Variants in AGAP1 observed in about 807,000 individuals in gnomAD.
The protein encoded by AGAP1 is ArfGAP with GTPase domain, ankyrin repeat and PH domain 1.
Under a neutral mutation model 105.3 loss-of-function variants are expected in AGAP1, and 29 were observed. The observed-to-expected ratio is 0.28, with a 90% confidence interval of 0.21 to 0.38. The LOEUF is 0.38. Ranked by LOEUF, AGAP1 falls within the 10% of genes least tolerant of loss-of-function variation. The probability of loss-of-function intolerance (pLI) is 1.00; values close to 1 mark genes in which losing one functional copy is unlikely to be tolerated. For missense variants in AGAP1, 998 were observed against 1,165.1 expected (o/e 0.86, Z 2.09); for synonymous variants, 509 against 485.9 (o/e 1.05, Z -0.63).
chr2:235,662,582 C>T lies in AGAP1; in HGVS notation c.164-46597C>T, dbSNP rs1206908032. ...ATTGCAGTGGTGGCATCTCAGCTCACTGCAACCTCTGCCTCCTGGGTTCAA... is the reference window on the plus strand; with the variant it reads ...ATTGCAGTGGTGGCATCTCAGCTCATTGCAACCTCTGCCTCCTGGGTTCAA... On this transcript the variant is annotated intron_variant, in intron 1 of 17. Transcript: ENST00000304032. The surrounding 1 kb of genome is among the most constrained non-coding windows in gnomAD (Gnocchi z 4.2). Among the ~76,000 whole-genome samples, 2 of 149,034 alleles carry T rather than the reference C, an allele frequency of 1.3e-5. No individual in the cohort carries two copies. Among genetic ancestry groups the T allele is most frequent in the African/African-American group, 5.0e-5 (2 of 40,284 alleles).
intron 11 of AGAP1, among the ~76,000 whole-genome samples, chr2:235,920,350 G>C (rs934425471): frequency 2.6e-5 from 4 of 152,196 alleles, no homozygotes; most frequent in Non-Finnish European, 5.9e-5. Context: ...CCAGGGATGG[G>C]AGGGAAGGGA....
chr2:236,037,362 G>A (rs1383498270), intron 14 of AGAP1: 2 of 151,950 alleles, frequency 1.3e-5, no homozygotes, highest in Admixed American at 6.6e-5. Context: ...TTTGTTTTTT[G>A]TAGTTACTTA....
rs745837999 is a variant in AGAP1, at chr2:235,958,787, C to G, written c.1484-9675C>G. Among the ~76,000 whole-genome samples, 10 of 152,176 alleles carry G rather than the reference C, an allele frequency of 6.6e-5. No homozygotes were observed. Among genetic ancestry groups the G allele is most frequent in the Non-Finnish European group, 1.5e-4 (10 of 68,034 alleles). ...TGGCCCATCAGTCTCAAGCAGGCTG[C>G]TTGATATTTATGCGGACGGAATGTT... On this transcript the variant is annotated intron_variant, in intron 12 of 17. Coordinates refer to ENST00000304032, the MANE Select transcript of AGAP1 (RefSeq NM_001037131.3). This position sits in a 1 kb window ranked among gnomAD's most constrained non-coding sequence, Gnocchi z 4.1.
intron 1 of AGAP1, among the ~76,000 whole-genome samples, chr2:235,679,105 C>T (rs150727320): frequency 6.6e-6 from 1 of 152,260 alleles, no homozygotes; most frequent in East Asian, 1.9e-4. Context: ...TTTAAATTGC[C>T]ACATGGAGAA....
At position 236,027,774 on chromosome 2, in the gene AGAP1, C is replaced by T. The variant is rs1421512204; in HGVS notation, c.1646-8787C>T. Among the ~76,000 whole-genome samples the T allele has an allele frequency of 1.3e-5, 2 of 152,078 alleles. No individual in the cohort carries two copies. The highest frequency in any genetic ancestry group is 2.4e-5 in the African/African-American group (1 of 41,400). On this transcript the variant is annotated intron_variant, in intron 13 of 17. Transcript: ENST00000304032. This position sits in a 1 kb window ranked among gnomAD's most constrained non-coding sequence, Gnocchi z 4.4. ...GAAACCCCAAAGAGCTGTTCATCGG[C>T]GTCTCACTACATGGTGAACTGCTAC... is the stretch of plus-strand genomic sequence containing the variant.
intron 11 of AGAP1, among the ~76,000 whole-genome samples, chr2:235,921,909 G>A (rs1465254873): frequency 6.6e-6 from 1 of 152,180 alleles, no homozygotes; most frequent in African/African-American, 2.4e-5. Context: ...GGAGCGAATG[G>A]GCCCCATTCA....
At chr2:235,782,929 T>C (rs557962259) in intron 6 of AGAP1, among the ~76,000 whole-genome samples, 2 of 152,300 alleles carry the variant, frequency 1.3e-5, no homozygotes, top group South Asian at 4.1e-4. Context: ...AGGTGTTGTA[T>C]GGGAGGCAGC....
chr2:235,571,863 G>A (rs1195279489), intron 1 of AGAP1, among the ~76,000 whole-genome samples: 3 of 151,350 alleles, frequency 2.0e-5, no homozygotes, highest in Non-Finnish European at 4.4e-5. Flanking sequence ...CTCCCAAAGT[G>A]CTGGGACTAC....
rs1459635823 is a variant in AGAP1, at chr2:235,611,016, C to T, written c.164-98163C>T. On this transcript the variant is annotated intron_variant, in intron 1 of 17. Coordinates refer to ENST00000304032, the MANE Select transcript of AGAP1 (RefSeq NM_001037131.3). The surrounding 1 kb of genome is among the most constrained non-coding windows in gnomAD (Gnocchi z 5.0). ...CCGTCTTCCTCATTGAAACTGTGCC[C>T]ATGACCTCCGGAAGCCTGCCAGCCG... 2.0e-5 allele frequency among the ~76,000 whole-genome samples: 3 copies of T among 152,156 alleles called. No individual in the cohort carries two copies. The highest frequency in any genetic ancestry group is 2.9e-5 in the Non-Finnish European group (2 of 68,030).
rs962170382 is a variant in AGAP1, at chr2:236,003,164, C to A, written c.1646-33397C>A. Among the ~76,000 whole-genome samples the A allele has an allele frequency of 1.3e-5, 2 of 152,176 alleles. No homozygotes were observed. The highest frequency in any genetic ancestry group is 4.8e-5 in the African/African-American group (2 of 41,442). On this transcript the variant is annotated intron_variant, in intron 13 of 17. Transcript: ENST00000304032. The surrounding 1 kb of genome is among the most constrained non-coding windows in gnomAD (Gnocchi z 4.2). ...GGTTCAAGCAGTTCTTGTGCCTCAA[C>A]CCCCCAAGTAGCTGGGACTACAGGC...
rs34419216 is a variant in AGAP1, at chr2:236,098,620, C to CTTTTTTTTTTTTTTTTTTTTTTTTT, written c.2115-21553_2115-21552insTTTTTTTTTTTTTTTTTTTTTTTTT. 5.6e-3 allele frequency among the ~76,000 whole-genome samples: 647 copies of CTTTTTTTTTTTTTTTTTTTTTTTTT among 115,152 alleles called. 37 individuals are homozygous for CTTTTTTTTTTTTTTTTTTTTTTTTT. The highest frequency in any genetic ancestry group is 9.0e-3 in the African/African-American group (233 of 25,762). The allele number at this position is 115,152 out of a possible 152,430, so 75.5% of individuals were successfully genotyped here. ...GCTGACTTGATGAAATCTTTTTTTC[C>CTTTTTTTTTTTTTTTTTTTTTTTTT]TTTTTTTTTTTTTTTTTTTAGAGAA... On this transcript the variant is annotated intron_variant, in intron 16 of 17. Transcript: ENST00000304032.
intron 12 of AGAP1, among the ~76,000 whole-genome samples, chr2:235,942,116 A>G (rs185992385): frequency 6.7e-4 from 102 of 152,278 alleles, no homozygotes; most frequent in African/African-American, 2.3e-3. Context: ...TTCCTAGGGA[A>G]GAGAGGAATG....
Position 235,497,875 on chromosome 2 carries a change from T to C in AGAP1, c.163+3026T>C, listed in dbSNP as rs537996117. Among the ~76,000 whole-genome samples, 6 of 152,250 alleles carry C rather than the reference T, an allele frequency of 3.9e-5. No homozygotes were observed. In the South Asian group the frequency reaches 8.3e-4, roughly 21 times the overall value. ...CCTCCCAAAGTGCTGGGATTACAGG[T>C]GTGAGCCACCGTGCCCGGCCGGGCA... On this transcript the variant is annotated intron_variant, in intron 1 of 17. Coordinates refer to ENST00000304032, the MANE Select transcript of AGAP1 (RefSeq NM_001037131.3).
intron 1 of AGAP1, 41 bp from the exon 2 acceptor site, chr2:235,709,138 G>C (rs115680140): frequency 6.2e-7 from 1 of 1,607,672 alleles, no homozygotes; most frequent in African/African-American, 1.3e-5. Context: ...TGGCCTTTAC[G>C]TGAGTTATGG....
At chr2:235,503,019 AT>A (rs1941632309) in intron 1 of AGAP1, among the ~76,000 whole-genome samples, 1 of 152,118 alleles carries the variant, frequency 6.6e-6, no homozygotes, top group Admixed American at 6.5e-5. Flanking sequence ...GAAGTTAAAC[AT>A]TTTTTAAAAA....
At chr2:236,079,569 CAT>C (rs1171348327) in intron 16 of AGAP1, among the ~76,000 whole-genome samples, 2 of 145,572 alleles carry the variant, frequency 1.4e-5, no homozygotes, top group Non-Finnish European at 3.0e-5. Context: ...CACACACACA[CAT>C]ACATACACAC....
Position 235,923,593 on chromosome 2 carries a change from G to A in AGAP1, c.1325-7172G>A, listed in dbSNP as rs73128444. On this transcript the variant is annotated intron_variant, in intron 11 of 17. Coordinates refer to ENST00000304032, the MANE Select transcript of AGAP1 (RefSeq NM_001037131.3). ...AGATGGGTTTCGCCTGTCCTTGGACGGGATCCTAACAGTTGGCACTCTCGT... is the reference window on the plus strand; with the variant it reads ...AGATGGGTTTCGCCTGTCCTTGGACAGGATCCTAACAGTTGGCACTCTCGT... Among the ~76,000 whole-genome samples the A allele has an allele frequency of 4.5e-3, 625 of 139,610 alleles. 8 individuals are homozygous for A. The highest frequency in any genetic ancestry group is 0.016 in the African/African-American group (597 of 36,668). 91.6% of individuals were successfully genotyped at this position (139,610 alleles called of 152,430 possible).
rs2149525906 is a variant in AGAP1, at chr2:235,712,656, G to A, written c.222+3419G>A. ...ATTCCCTTTGGCCTTGTGATGTGAA[G>A]GGCCGAGTATGGGTTCCAACGCACT... On this transcript the variant is annotated intron_variant, in intron 2 of 17. Transcript: ENST00000304032. This position sits in a 1 kb window ranked among gnomAD's most constrained non-coding sequence, Gnocchi z 6.0. 6.6e-6 allele frequency among the ~76,000 whole-genome samples: 1 copy of A among 152,348 alleles called. No individual in the cohort carries two copies. Among genetic ancestry groups the A allele is most frequent in the African/African-American group, 2.4e-5 (1 of 41,582 alleles).
chr2:236,037,027 G>A (rs1195392315), intron 14 of AGAP1, among the ~76,000 whole-genome samples: 1 of 151,920 alleles, frequency 6.6e-6, no homozygotes, highest in Non-Finnish European at 1.5e-5. Flanking sequence ...TTTTTGTTTT[G>A]GACAGAATAC....
Sources: gnomAD v4.1 joint callset for allele counts (sites outside exome capture counted in the v4.1 genomes callset) on GRCh38, gnomAD v4.1.1 for gene constraint, Gnocchi (gnomAD v3.1) non-coding constraint, MANE v1.5 for transcripts, NCBI Gene and HGNC (gene_info 2026-07-23, HGNC 2026-07-21) for gene names.